The following TSHZ3 variants were observed in gnomAD, a reference collection of about 807,000 sequenced individuals.
TSHZ3 encodes the protein teashirt homolog 3.
Under a neutral mutation model 64.5 loss-of-function variants are expected in TSHZ3, and 10 were observed. That is an observed-to-expected ratio of 0.16 (90% CI 0.10 to 0.26). The LOEUF is 0.26. Ranked by LOEUF, TSHZ3 falls within the 10% of genes least tolerant of loss-of-function variation. The pLI, the probability that TSHZ3 is intolerant of heterozygous loss-of-function variation, is 1.00. For synonymous variants in TSHZ3, 608 were observed against 593.1 expected (o/e 1.03, Z -0.36); for missense variants, 1,242 against 1,421.7 (o/e 0.87, Z 2.03).
At chr19:31,296,519 AG>A (rs1473411236) in intron 1 of TSHZ3, among the ~76,000 whole-genome samples, 1 of 151,920 alleles carries the variant, frequency 6.6e-6, no homozygotes, top group African/African-American at 2.4e-5. Flanking sequence ...TATTTTTAGT[AG>A]AGACAGGGTT....
downstream of TSHZ3, among the ~76,000 whole-genome samples, chr19:31,270,500 AG>A (rs1461004677): frequency 6.6e-6 from 1 of 152,196 alleles, no homozygotes; most frequent in Non-Finnish European, 1.5e-5. Context: ...TTGTAGAGAC[AG>A]GGTCTCACTA....
intron 5 of TSHZ3, among the ~76,000 whole-genome samples, chr19:31,179,147 G>C (rs1974660035): frequency 6.6e-6 from 1 of 152,106 alleles, no homozygotes; most frequent in South Asian, 2.1e-4. Context: ...CAACAATGGG[G>C]AAAGGGACTA....
At chr19:31,200,075 T>C (rs1239393840) in intron 5 of TSHZ3, among the ~76,000 whole-genome samples, 1 of 152,200 alleles carries the variant, frequency 6.6e-6, no homozygotes, top group East Asian at 1.9e-4. Context: ...CACCAAATGC[T>C]GGTAAGAACA....
At chr19:31,233,949 A>G (rs1337410003) in intron 3 of TSHZ3, among the ~76,000 whole-genome samples, 1 of 152,034 alleles carries the variant, frequency 6.6e-6, no homozygotes, top group East Asian at 1.9e-4. Flanking sequence ...AAAAAAAAAA[A>G]AAGCCTGCTG....
At chr19:31,262,646 TTAAA>T (rs1341303841) in intron 1 of TSHZ3, among the ~76,000 whole-genome samples, 1 of 152,238 alleles carries the variant, frequency 6.6e-6, no homozygotes, top group Non-Finnish European at 1.5e-5. Flanking sequence ...AATCTTATCT[TTAAA>T]TAATCTATAT....
intron 5 of TSHZ3, among the ~76,000 whole-genome samples, chr19:31,158,028 T>A (rs948732304): frequency 1.3e-5 from 2 of 152,170 alleles, no homozygotes; most frequent in Admixed American, 6.5e-5. Flanking sequence ...GAACAATGTA[T>A]TTTAGACAAA....
chr19:31,280,362 G>A (rs1269690114), intron 1 of TSHZ3, among the ~76,000 whole-genome samples: 5 of 150,188 alleles, frequency 3.3e-5, no homozygotes, highest in African/African-American at 1.2e-4. Flanking sequence ...TCTTCCTTCT[G>A]GAAAAGCAGG....
intron 1 of TSHZ3, among the ~76,000 whole-genome samples, chr19:31,319,725 C>T (rs1916709739): frequency 6.6e-6 from 1 of 152,070 alleles, no homozygotes; most frequent in South Asian, 2.1e-4. Context: ...ACAAAGAAAA[C>T]AACAGTGTAA....
chr19:31,216,624 TTTTTG>T (rs768656673), intron 4 of TSHZ3, among the ~76,000 whole-genome samples: 4 of 150,840 alleles, frequency 2.7e-5, no homozygotes, highest in African/African-American at 9.8e-5. Context: ...AATTTTTGTA[TTTTTG>T]TTTTGTTTTG....
intron 5 of TSHZ3, among the ~76,000 whole-genome samples, chr19:31,172,634 A>G (rs146662944): frequency 2.0e-5 from 3 of 152,378 alleles, no homozygotes; most frequent in Non-Finnish European, 4.4e-5. Flanking sequence ...AATAAAAAGC[A>G]TCATGAACAT....
intron 5 of TSHZ3, among the ~76,000 whole-genome samples, chr19:31,158,912 T>C (rs1202242286): frequency 1.3e-5 from 2 of 152,166 alleles, no homozygotes; most frequent in Non-Finnish European, 2.9e-5. Context: ...ATGCAAGCAA[T>C]GGGGAGTGGC....
intron 3 of TSHZ3, among the ~76,000 whole-genome samples, chr19:31,229,445 T>C (rs1975511748): frequency 6.6e-6 from 1 of 152,102 alleles, no homozygotes; most frequent in Non-Finnish European, 1.5e-5. Context: ...TGCGAAACAC[T>C]AAAGATAAAT....
At chr19:31,301,895 G>A in intron 1 of TSHZ3, among the ~76,000 whole-genome samples, 1 of 152,112 alleles carries the variant, frequency 6.6e-6, no homozygotes, top group Non-Finnish European at 1.5e-5. Flanking sequence ...TGGAGACACT[G>A]TGTCCCAGAT....
intron 1 of TSHZ3, among the ~76,000 whole-genome samples, chr19:31,346,268 G>A (rs915403582): frequency 2.6e-5 from 4 of 152,040 alleles, no homozygotes; most frequent in African/African-American, 9.7e-5. Context: ...CATTAAAAGG[G>A]CCCTAATTCC....
chr19:31,287,077 C>CAAA (rs983140913), intron 1 of TSHZ3, among the ~76,000 whole-genome samples: 13 of 152,254 alleles, frequency 8.5e-5, no homozygotes, highest in African/African-American at 3.1e-4. Flanking sequence ...GAATCTCTCC[C>CAAA]AAAAGATAAA....
intron 4 of TSHZ3, among the ~76,000 whole-genome samples, chr19:31,224,598 C>T (rs1033187780): frequency 1.4e-4 from 22 of 152,158 alleles, no homozygotes; most frequent in African/African-American, 5.3e-4. Flanking sequence ...AGAAGCCAGA[C>T]GTGGTGGGTC....
chr19:31,197,901 C>CT (rs1218479593), intron 5 of TSHZ3, among the ~76,000 whole-genome samples: 1 of 152,018 alleles, frequency 6.6e-6, no homozygotes, highest in African/African-American at 2.4e-5. Flanking sequence ...TCTGTAGACT[C>CT]TGTTTCAAAA....
chr19:31,347,884 C>T (rs902238593), intron 1 of TSHZ3, among the ~76,000 whole-genome samples: 1 of 152,146 alleles, frequency 6.6e-6, no homozygotes, highest in Non-Finnish European at 1.5e-5. Flanking sequence ...CTGGCAGTGC[C>T]GGCTGGCATG....
At chr19:31,272,897 C>T (rs1002069683), downstream of TSHZ3, among the ~76,000 whole-genome samples, 6 of 152,124 alleles carry the variant, frequency 3.9e-5, no homozygotes, top group East Asian at 1.9e-4. Context: ...TTGGCAACAT[C>T]CCCCCTCCTC....
Sources: gnomAD v4.1 joint callset for allele counts (sites outside exome capture counted in the v4.1 genomes callset) on GRCh38, gnomAD v4.1.1 for gene constraint, MANE v1.5 for transcripts, NCBI Gene and HGNC (gene_info 2026-07-23, HGNC 2026-07-21) for gene names.